The following NFIX variants were observed in gnomAD, a reference collection of about 807,000 sequenced individuals.
The protein encoded by NFIX is nuclear factor 1 X-type.
A neutral mutation model predicts 53.3 loss-of-function variants in NFIX; 2 were observed. That is an observed-to-expected ratio of 0.04 (90% CI 0.02 to 0.12). The LOEUF (loss-of-function observed/expected upper bound fraction) is 0.12, where lower values mean the gene tolerates loss of function less well. Ranked by LOEUF, NFIX falls within the 10% of genes least tolerant of loss-of-function variation. The pLI, the probability that NFIX is intolerant of heterozygous loss-of-function variation, is 1.00. For missense variants in NFIX, 310 were observed against 674.5 expected (o/e 0.46, Z 5.99); for synonymous variants, 244 against 289.0 (o/e 0.84, Z 1.58).
Position 13,005,358 on chromosome 19 carries a change from C to T in NFIX, c.27+9494C>T, listed in dbSNP as rs17706798. On this transcript the variant is annotated intron_variant, in intron 1 of 10. Coordinates refer to ENST00000592199, the MANE Select transcript of NFIX (RefSeq NM_001365902.3). This position sits in a 1 kb window ranked among gnomAD's most constrained non-coding sequence, Gnocchi z 4.7. ...CCTTCCCAGCTTGTCTTCTTGAATC[C>T]TGTGTTCAGCAGGTACTGTTATTAG... 0.35 allele frequency among the ~76,000 whole-genome samples: 52,749 copies of T among 152,178 alleles called. 10,081 individuals carry two copies. Among genetic ancestry groups the T allele is most frequent in the East Asian group, 0.65 (3,353 of 5,170 alleles).
chr19:13,024,545 G>A (rs1454744334), intron 1 of NFIX: 3 of 1,528,602 alleles, frequency 2.0e-6, no homozygotes, highest in African/African-American at 2.7e-5. Flanking sequence ...AGGCGGCCCC[G>A]CACGCCCCCG....
chr19:13,040,987 T>C lies in NFIX; in HGVS notation c.559+15435T>C, dbSNP rs1290160011. Among the ~76,000 whole-genome samples the C allele has an allele frequency of 2.6e-5, 4 of 152,180 alleles. No homozygotes were observed. In the East Asian group the frequency reaches 7.7e-4, roughly 29 times the overall value. On this transcript the variant is annotated intron_variant, in intron 2 of 10. Transcript: ENST00000592199. The surrounding 1 kb of genome is among the most constrained non-coding windows in gnomAD (Gnocchi z 4.2). ...TGGCCCCATGTGCCAGTTCTTGACT[T>C]TCTCTGAGACCGGTTTTCCCCTCTG...
chr19:13,037,761 G>A lies in NFIX; in HGVS notation c.559+12209G>A, dbSNP rs7408934. ...TTTCAACCAAGGGCAATTTTGTCCC[G>A]CAGGGAACATTTGGCAATGTCTGTG... On this transcript the variant is annotated intron_variant, in intron 2 of 10. Transcript: ENST00000592199. This position sits in a 1 kb window ranked among gnomAD's most constrained non-coding sequence, Gnocchi z 4.2. Among the ~76,000 whole-genome samples the A allele has an allele frequency of 0.14, 21,274 of 152,068 alleles. 1,930 individuals are homozygous for A. The highest frequency in any genetic ancestry group is 0.26 in the African/African-American group (10,616 of 41,436).
At position 13,045,597 on chromosome 19, in the gene NFIX, C is replaced by T. The variant is rs1352810112; in HGVS notation, c.559+20045C>T. ...CTCTAAGAACTCCCTGATGCTGAGT[C>T]TGGAGACCTTGGCCCACGGTGCTCA... On this transcript the variant is annotated intron_variant, in intron 2 of 10. Transcript: ENST00000592199. The surrounding 1 kb of genome is among the most constrained non-coding windows in gnomAD (Gnocchi z 4.4). 6.6e-6 allele frequency among the ~76,000 whole-genome samples: 1 copy of T among 152,152 alleles called. No individual in the cohort carries two copies. The highest frequency in any genetic ancestry group is 1.5e-5 in the Non-Finnish European group (1 of 68,018).
rs983077805 is a variant in NFIX, at chr19:13,049,397, A to G, written c.560-23650A>G. On this transcript the variant is annotated intron_variant, in intron 2 of 10. Coordinates refer to ENST00000592199, the MANE Select transcript of NFIX (RefSeq NM_001365902.3). This position sits in a 1 kb window ranked among gnomAD's most constrained non-coding sequence, Gnocchi z 4.5. ...TGCTCCCAAAAGAAACTCCATACCT[A>G]TTAGTTGTTAGTCCCAATTCCTCAT... Among the ~76,000 whole-genome samples the G allele has an allele frequency of 2.0e-5, 3 of 152,174 alleles. No individual in the cohort carries two copies. Among genetic ancestry groups the G allele is most frequent in the Non-Finnish European group, 4.4e-5 (3 of 68,032 alleles).
intron 2 of NFIX, among the ~76,000 whole-genome samples, chr19:13,035,180 G>A (rs143081513): frequency 6.6e-6 from 1 of 152,278 alleles, no homozygotes; most frequent in East Asian, 1.9e-4. Flanking sequence ...TTGCCTCACC[G>A]CCAGTTTAGG....
chr19:13,072,258 A>G lies in NFIX; in HGVS notation c.560-789A>G, dbSNP rs2016819484. Among the ~76,000 whole-genome samples, 1 of 152,036 alleles carries G rather than the reference A, an allele frequency of 6.6e-6. No individual in the cohort carries two copies. Among genetic ancestry groups the G allele is most frequent in the Non-Finnish European group, 1.5e-5 (1 of 67,996 alleles). On this transcript the variant is annotated intron_variant, in intron 2 of 10. Coordinates refer to ENST00000592199, the MANE Select transcript of NFIX (RefSeq NM_001365902.3). The surrounding 1 kb of genome is among the most constrained non-coding windows in gnomAD (Gnocchi z 4.0). ...TGGGGGGCTTTCCCAAGCTCAGCAA[A>G]ATATTCACACACACACTCCACCCTG...
chr19:13,020,371 C>T (rs2012902810), intron 1 of NFIX, among the ~76,000 whole-genome samples: 1 of 152,064 alleles, frequency 6.6e-6, no homozygotes, highest in East Asian at 1.9e-4. Context: ...CCGAGCAATT[C>T]CTCTGTGTGC....
intron 2 of NFIX, among the ~76,000 whole-genome samples, chr19:13,031,312 C>G (rs548363554): frequency 1.2e-4 from 18 of 152,046 alleles, no homozygotes; most frequent in South Asian, 2.1e-4. Context: ...AAGCGCCGAC[C>G]GTGAACAAGC....
At chr19:13,087,460 C>G (rs2017845820) in intron 8 of NFIX, among the ~76,000 whole-genome samples, 1 of 152,236 alleles carries the variant, frequency 6.6e-6, no homozygotes, top group South Asian at 2.1e-4. Context: ...ACGAGCTCCC[C>G]AACTTCTGGT....
In NFIX at chr19:13,037,823, C is replaced by G. The variant is rs1333076377; in HGVS notation, c.559+12271C>G. ...TTGTCACAGTTGTGGGGGGAGGGTG[C>G]TATTGGAATCTAGTGGGAAGAGTCT... On this transcript the variant is annotated intron_variant, in intron 2 of 10. Coordinates refer to ENST00000592199, the MANE Select transcript of NFIX (RefSeq NM_001365902.3). This position sits in a 1 kb window ranked among gnomAD's most constrained non-coding sequence, Gnocchi z 4.2. 6.6e-6 allele frequency among the ~76,000 whole-genome samples: 1 copy of G among 152,040 alleles called. No individual in the cohort carries two copies. The highest frequency in any genetic ancestry group is 1.5e-5 in the Non-Finnish European group (1 of 68,004).
intron 1 of NFIX, chr19:13,023,934 T>TCCACCA: frequency 2.0e-6 from 1 of 495,980 alleles, no homozygotes; most frequent in Non-Finnish European, 3.6e-6. Flanking sequence ...CCCCTGCTCC[T>TCCACCA]CCTCCTCCCC....
chr19:13,017,181 G>C (rs1027657208), intron 1 of NFIX, among the ~76,000 whole-genome samples: 1 of 152,154 alleles, frequency 6.6e-6, no homozygotes. Flanking sequence ...GGGTGAGAAA[G>C]AAAGGGAGCC....
rs990785946 is a variant in NFIX at position 13,078,983 on chromosome 19, C to T, written c.1078+248C>T. Among the ~76,000 whole-genome samples the T allele has an allele frequency of 4.6e-5, 7 of 152,262 alleles. No homozygotes were observed. Among genetic ancestry groups the T allele is most frequent in the South Asian group, 4.1e-4 (2 of 4,834 alleles). ...GCAACCTCCCACTTCTCACTCCTCA[C>T]GTGCATGGGTGCTACATACAACACA... On this transcript the variant is annotated intron_variant, in intron 7 of 10. Transcript: ENST00000592199. The surrounding 1 kb of genome is among the most constrained non-coding windows in gnomAD (Gnocchi z 4.7).
chr19:13,054,927 T>A (rs920109196), intron 2 of NFIX, among the ~76,000 whole-genome samples: 6 of 151,892 alleles, frequency 4.0e-5, no homozygotes, highest in Non-Finnish European at 7.4e-5. Context: ...TGGGGGGTTT[T>A]CCCCCCCTCT....
intron 5 of NFIX, 54 bp from the exon 6 acceptor site, chr19:13,075,481 T>C: frequency 6.3e-7 from 1 of 1,598,346 alleles, no homozygotes. Context: ...TCTTGGTCAC[T>C]CCCTGGAGCC....
intron 2 of NFIX, among the ~76,000 whole-genome samples, chr19:13,047,721 A>G (rs1044324624): frequency 9.9e-5 from 15 of 152,150 alleles, no homozygotes; most frequent in African/African-American, 3.6e-4. Flanking sequence ...GGACATCCCC[A>G]CGTACTTTGG....
chr19:13,025,088 A>G lies in NFIX; in HGVS notation c.95A>G (p.Asn32Ser). ...HVRAFSYTWF[N>S]LQARKRKYFK... ...CGCGCTTTCTCCTACACCTGGTTCA[A>G]CCTGCAGGCGCGGAAGCGCAAGTAC... is the stretch of plus-strand genomic sequence containing the variant. The change falls in exon 2 of 11, where the codon AAC (asparagine) becomes AGC (serine). Residue 32 changes from asparagine (N) to serine (S), a missense_variant. Physicochemically the swap from Asn to Ser is conservative, Grantham distance 46. Coordinates refer to ENST00000592199, the MANE Select transcript of NFIX (RefSeq NM_001365902.3). This position sits in a 1 kb window ranked among gnomAD's most constrained non-coding sequence, Gnocchi z 7.5. 6.2e-7 allele frequency: 1 copy of G among 1,614,096 alleles called. No homozygotes were observed.
chr19:13,097,175 T>C lies in NFIX; in HGVS notation c.*2526T>C, dbSNP rs2018514632. Reference sequence around the variant, plus strand: ...AAGCTGAGTGTTTTTCCCTTTTTTTTGTTCGTTTTTAGTTTTTTTTTTTTT... The same window carrying C: ...AAGCTGAGTGTTTTTCCCTTTTTTTCGTTCGTTTTTAGTTTTTTTTTTTTT... On this transcript the variant is annotated 3_prime_UTR_variant, in exon 11 of 11. Transcript: ENST00000592199. The C allele has an allele frequency of 1.3e-5, 2 of 150,628 alleles. No homozygotes were observed. The highest frequency in any genetic ancestry group is 1.3e-4 in the Admixed American group (2 of 15,182). The allele number at this position is 150,628 out of a possible 1,614,324, so 9.3% of individuals were successfully genotyped here. A position where few individuals can be genotyped will look rare whatever the true frequency, so the allele number is the denominator to read the frequency against.
Sources: gnomAD v4.1 joint callset for allele counts (sites outside exome capture counted in the v4.1 genomes callset) on GRCh38, gnomAD v4.1.1 for gene constraint, Gnocchi (gnomAD v3.1) non-coding constraint, MANE v1.5 for transcripts, NCBI Gene and HGNC (gene_info 2026-07-23, HGNC 2026-07-21) for gene names.